Variants in AAK1 observed in about 807,000 individuals in gnomAD.
AAK1 encodes AP2-associated protein kinase 1.
In AAK1, 37 loss-of-function variants were observed where a neutral mutation model predicts 116.0. That is an observed-to-expected ratio of 0.32 (90% confidence interval 0.25 to 0.42). AAK1 has a LOEUF of 0.42. AAK1 is among the 10% of genes least tolerant of loss of function. The pLI is 1.00. For synonymous variants in AAK1, 458 were observed against 439.9 expected, an observed-to-expected ratio of 1.04 and a Z score of -0.51; for missense variants, 919 against 1,170.6, an observed-to-expected ratio of 0.79 and a Z score of 3.14.
rs1305629944 is a variant in AAK1 at position 69,511,132 on chromosome 2, TC to T, written c.1777-1673del. ...ATGCCCCAGGTATTTCACCATCCCTTCCCTCCAGTCCCTCTTCTCAGATTAG... is the reference window on the plus strand; with the variant it reads ...ATGCCCCAGGTATTTCACCATCCCTTCCTCCAGTCCCTCTTCTCAGATTAG... On this transcript the variant is annotated intron_variant, in intron 13 of 21. Transcript: ENST00000409085. 3.3e-5 allele frequency among the ~76,000 whole-genome samples: 5 copies of T among 152,314 alleles called. No homozygotes were observed. In the South Asian group the frequency reaches 8.3e-4, roughly 25 times the overall value.
intron 2 of AAK1, among the ~76,000 whole-genome samples, chr2:69,630,906 C>G (rs984067972): frequency 1.3e-5 from 2 of 152,210 alleles, no homozygotes; most frequent in African/African-American, 2.4e-5. Context: ...AGTGCTGCCC[C>G]CTTCCCCTCC....
At chr2:69,493,869 AGGGTG>A (rs1675637969) in intron 17 of AAK1, among the ~76,000 whole-genome samples, 2 of 152,170 alleles carry the variant, frequency 1.3e-5, no homozygotes, top group South Asian at 4.1e-4. Context: ...CAAAGTCCCC[AGGGTG>A]GGAACAAGCT....
chr2:69,564,049 G>C lies in AAK1; in HGVS notation c.164-7071C>G, dbSNP rs1267900124. Among the ~76,000 whole-genome samples, 4 of 152,166 alleles carry C rather than the reference G, an allele frequency of 2.6e-5. No homozygotes were observed. In the South Asian group the frequency reaches 6.2e-4, roughly 24 times the overall value. ...TCTACTAAAAATACAAAAATTAGCT[G>C]GGTGTGGTGGCGCATGCCTGTAATC... is the stretch of plus-strand genomic sequence containing the variant. On this transcript the variant is annotated intron_variant, in intron 2 of 21. Coordinates refer to ENST00000409085, the MANE Select transcript of AAK1 (RefSeq NM_014911.5).
rs1572869899 is a variant in AAK1 at position 69,469,303 on chromosome 2, C to T, written c.*6566G>A. The T allele has an allele frequency of 7.1e-6, 7 of 985,418 alleles. No individual in the cohort carries two copies. The South Asian group carries it at 3.3e-4, about 46-fold the overall frequency. 61.0% of individuals were successfully genotyped at this position (985,418 alleles called of 1,614,324 possible). ...CCTTAAGGAATTCTGGTGGTGGCAG[C>T]ACCAGAAACAAGGTAGTCGAGAGAA... On this transcript the variant is annotated 3_prime_UTR_variant, in exon 22 of 22. Coordinates refer to ENST00000409085, the MANE Select transcript of AAK1 (RefSeq NM_014911.5).
intron 5 of AAK1, among the ~76,000 whole-genome samples, chr2:69,540,775 A>G (rs1020983724): frequency 1.3e-5 from 2 of 152,244 alleles, no homozygotes; most frequent in Non-Finnish European, 2.9e-5. Context: ...AATTCAAAAC[A>G]TATGTCCACA....
intron 11 of AAK1, among the ~76,000 whole-genome samples, chr2:69,520,541 T>A (rs1669727729): frequency 6.6e-6 from 1 of 151,916 alleles, no homozygotes; most frequent in African/African-American, 2.4e-5. Flanking sequence ...TGTACTTTTT[T>A]TTTTGAAAAA....
Position 69,642,895 on chromosome 2 carries a change from T to A in AAK1, c.146A>T (p.Asp49Val). 1 of 1,613,872 alleles carries A rather than the reference T, an allele frequency of 6.2e-7. No homozygotes were observed. The highest frequency in any genetic ancestry group is 8.5e-7 in the Non-Finnish European group (1 of 1,179,860). Residue 49 changes from aspartate (D) to valine (V), a missense_variant, in exon 2 of 22, where the codon GAC (aspartate) becomes GTC (valine). By Grantham distance (152) the Asp-to-Val change is radical. Around this residue, in one of 4 missense-constraint regions of AAK1, gnomAD observed 317 missense variants for 490.4 expected, o/e 0.65. Coordinates refer to ENST00000409085, the MANE Select transcript of AAK1 (RefSeq NM_014911.5). ...CACCGTACCTTCCGCCAACACCTCG[T>A]CCACTGTGACCTGCTGTCGCCCGAT... is the stretch of plus-strand genomic sequence containing the variant. ...FGIGRQQVTV[D>V]EVLAEGGFAI...
intron 2 of AAK1, among the ~76,000 whole-genome samples, chr2:69,639,182 TTCC>T (rs1675587973): frequency 2.0e-5 from 3 of 152,192 alleles, no homozygotes; most frequent in Admixed American, 6.5e-5. Flanking sequence ...CACCTTATAG[TTCC>T]AGAATGTTGT....
chr2:69,563,233 T>G (rs1447161492), intron 2 of AAK1, among the ~76,000 whole-genome samples: 1 of 152,154 alleles, frequency 6.6e-6, no homozygotes, highest in Non-Finnish European at 1.5e-5. Context: ...GGGGCTGTTC[T>G]GAATGAATCA....
chr2:69,522,939 C>G (rs1669853733), intron 10 of AAK1, among the ~76,000 whole-genome samples: 1 of 152,104 alleles, frequency 6.6e-6, no homozygotes, highest in African/African-American at 2.4e-5. Flanking sequence ...GGATCTGGAG[C>G]CAAAGAAAAA....
intron 12 of AAK1, among the ~76,000 whole-genome samples, chr2:69,515,171 T>G (rs975185945): frequency 6.6e-6 from 1 of 152,238 alleles, no homozygotes. Context: ...CTGAACAGGA[T>G]GAAGCAATGA....
At chr2:69,632,451 A>C (rs1675227059) in intron 2 of AAK1, among the ~76,000 whole-genome samples, 1 of 152,224 alleles carries the variant, frequency 6.6e-6, no homozygotes. Context: ...CACAACAAAG[A>C]GTTACCCAGA....
At chr2:69,634,338 G>T (rs149720691) in intron 2 of AAK1, among the ~76,000 whole-genome samples, 4 of 152,298 alleles carry the variant, frequency 2.6e-5, no homozygotes, top group African/African-American at 9.6e-5. Flanking sequence ...ACCAATGTCA[G>T]CCACTGCTTC....
At chr2:69,538,159 T>C (rs1018484862) in intron 5 of AAK1, among the ~76,000 whole-genome samples, 3 of 152,274 alleles carry the variant, frequency 2.0e-5, no homozygotes, top group Non-Finnish European at 4.4e-5. Context: ...GAACATCAGA[T>C]GCAGAAGGCC....
At chr2:69,532,282 G>A in intron 5 of AAK1, 120 bp from the exon 6 acceptor site, 1 of 1,261,112 alleles carries the variant, frequency 7.9e-7, no homozygotes, top group Non-Finnish European at 1.1e-6. Flanking sequence ...ATGTGCACAG[G>A]GAAGTTATTC....
At position 69,514,736 on chromosome 2, in the gene AAK1, T is replaced by A. The variant is rs765311520; in HGVS notation, c.1511A>T (p.His504Leu). 6.3e-7 allele frequency: 1 copy of A among 1,598,864 alleles called. No individual in the cohort carries two copies. The highest frequency in any genetic ancestry group is 8.5e-7 in the Non-Finnish European group (1 of 1,170,848). Residue 504 changes from histidine (H) to leucine (L), a missense_variant, in exon 13 of 22, where the codon CAT (histidine) becomes CTT (leucine). His to Leu is a moderately conservative substitution (Grantham distance 99). Around this residue, in one of 4 missense-constraint regions of AAK1, gnomAD observed 214 missense variants for 210.6 expected, o/e 1.02. Transcript: ENST00000409085. ...QAQTQQFQAV[H>L]PATQKPAIAQ... Reference sequence around the variant, plus strand: ...AATTGCTGGTTTCTGGGTTGCTGGATGTACTGCCTGAAACTGAGCAAGAAA... The same window carrying A: ...AATTGCTGGTTTCTGGGTTGCTGGAAGTACTGCCTGAAACTGAGCAAGAAA...
chr2:69,475,887 A>T lies in AAK1; in HGVS notation c.2868T>A (p.Asp956Glu). The T allele has an allele frequency of 1.2e-6, 2 of 1,611,944 alleles. No homozygotes were observed. The highest frequency in any genetic ancestry group is 1.3e-5 in the African/African-American group (1 of 74,996). ...PNLARSLLLV[D>E]QLIDL ...GTCACGGCTACAGGTCTATGAGCTG[A>T]TCCACCAGCAGTAAAGACCTGGCTA... The change falls in exon 22 of 22, where the codon GAT becomes GAA. Residue 956 changes from aspartate to glutamate, a missense_variant. This residue lies in a region of AAK1 where 263 missense variants were observed against 285.5 expected (regional missense o/e 0.92). Coordinates refer to ENST00000409085, the MANE Select transcript of AAK1 (RefSeq NM_014911.5).
intron 2 of AAK1, among the ~76,000 whole-genome samples, chr2:69,612,064 G>T (rs1377470673): frequency 1.3e-5 from 2 of 152,222 alleles, no homozygotes; most frequent in African/African-American, 4.8e-5. Flanking sequence ...AAAAGTTCTG[G>T]AGATGGATGG....
chr2:69,519,858 T>G (rs994110924), intron 11 of AAK1, among the ~76,000 whole-genome samples: 1 of 151,654 alleles, frequency 6.6e-6, no homozygotes, highest in African/African-American at 2.4e-5. Context: ...AAGAGAGGAG[T>G]CTTGTTTCTA....
Sources: gnomAD v4.1 joint callset for allele counts (sites outside exome capture counted in the v4.1 genomes callset) on GRCh38, gnomAD v4.1.1 for gene constraint, gnomAD v4.1.1 regional missense constraint, MANE v1.5 for transcripts, NCBI Gene and HGNC (gene_info 2026-07-23, HGNC 2026-07-21) for gene names.